ADGRE2: variants seen among roughly 807,000 people sequenced by gnomAD.
ADGRE2 encodes adhesion G protein-coupled receptor E2.
In ADGRE2, 83 loss-of-function variants were observed where a neutral mutation model predicts 100.8. That is an observed-to-expected ratio of 0.82 (90% CI 0.69 to 0.99). The LOEUF is 0.99. ADGRE2 is among the 50% of genes least tolerant of loss of function. The pLI is 0.00. For synonymous variants in ADGRE2, 355 were observed against 413.0 expected (o/e 0.86, Z 1.70); for missense variants, 814 against 1,035.7 (o/e 0.79, Z 2.94).
intron 4 of ADGRE2, among the ~76,000 whole-genome samples, chr19:14,773,080 C>CAAAAAAAA (rs35688921): frequency 2.8e-4 from 13 of 45,788 alleles, no homozygotes; most frequent in East Asian, 6.3e-4. Flanking sequence ...GACTCCATCT[C>CAAAAAAAA]AAAAAAAAAA....
At chr19:14,727,697 C>CTA (rs1478094027), downstream of ADGRE2, among the ~76,000 whole-genome samples, 1 of 151,620 alleles carries the variant, frequency 6.6e-6, no homozygotes, top group Non-Finnish European at 1.5e-5. Flanking sequence ...TATCATGTAC[C>CTA]TATTAGTTAA....
chr19:14,729,109 C>T (rs562394310), downstream of ADGRE2, among the ~76,000 whole-genome samples: 3 of 152,058 alleles, frequency 2.0e-5, no homozygotes, highest in South Asian at 2.1e-4. Context: ...TTAGTGCCGA[C>T]GGGAAGGCTG....
Position 14,766,238 on chromosome 19 carries a change from C to G in ADGRE2, c.631G>C (p.Glu211Gln). The G allele has an allele frequency of 6.2e-7, 1 of 1,614,114 alleles. No individual in the cohort carries two copies. The highest frequency in any genetic ancestry group is 1.1e-5 in the South Asian group (1 of 91,086). Reference protein sequence around the residue: ...SPNGPNNTVCEDVDECSSGQH... With the variant: ...SPNGPNNTVCQDVDECSSGQH... Reference sequence around the variant, plus strand: ...ACGTGGGATCTGAGCTCTCGACCTTCACAGACGGTATTGTTTGGGCCATTG... The same window carrying G: ...ACGTGGGATCTGAGCTCTCGACCTTGACAGACGGTATTGTTTGGGCCATTG... Residue 211 changes from glutamate to glutamine, a missense_variant, in exon 7 of 21, where the codon GAA becomes CAA. Glu to Gln is a conservative substitution (Grantham distance 29). Transcript: ENST00000315576.
intron 14 of ADGRE2, among the ~76,000 whole-genome samples, chr19:14,753,349 T>A (rs1599824514): frequency 6.6e-6 from 1 of 151,834 alleles, no homozygotes; most frequent in Admixed American, 6.6e-5. Context: ...TAATTACAGG[T>A]CTGGGCGGGA....
At chr19:14,773,207 G>A (rs1044141099) in intron 4 of ADGRE2, among the ~76,000 whole-genome samples, 13 of 148,812 alleles carry the variant, frequency 8.7e-5, no homozygotes, top group Non-Finnish European at 1.5e-4. Flanking sequence ...CCAGATTCCT[G>A]AGCACGCAGC....
chr19:14,749,330 TAATTATA>T (rs1206143166), intron 16 of ADGRE2, among the ~76,000 whole-genome samples: 7 of 111,102 alleles, frequency 6.3e-5, no homozygotes, highest in African/African-American at 1.7e-4. Flanking sequence ...ATATATAATA[TAATTATA>T]ATGATATGAT....
rs1026852763 is a variant in ADGRE2 at position 14,773,970 on chromosome 19, T to C, written c.167A>G (p.Glu56Gly). The C allele has an allele frequency of 2.5e-6, 4 of 1,614,032 alleles. No homozygotes were observed. In the African/African-American group the frequency reaches 4.0e-5, roughly 16 times the overall value. The change falls in exon 4 of 21, where the codon GAG becomes GGG. Residue 56 changes from glutamate (E) to glycine (G), a missense_variant. Coordinates refer to ENST00000315576, the MANE Select transcript of ADGRE2 (RefSeq NM_013447.4). ...RCNPGFSSFSEIITTPMETCD... is the reference protein window; with the variant it reads ...RCNPGFSSFSGIITTPMETCD... ...AGTCTCCATGGGGGTGGTGATGATC[T>C]CAGAAAAAGAGCTGAACCCTGGATT...
downstream of ADGRE2, among the ~76,000 whole-genome samples, chr19:14,730,983 T>C (rs550241185): frequency 5.3e-5 from 8 of 151,956 alleles, no homozygotes; most frequent in Non-Finnish European, 1.2e-4. Context: ...CACACCACCA[T>C]CAGTCTTTCA....
At chr19:14,777,367 C>A (rs1319541622) in intron 1 of ADGRE2, among the ~76,000 whole-genome samples, 1 of 152,234 alleles carries the variant, frequency 6.6e-6, no homozygotes, top group African/African-American at 2.4e-5. Flanking sequence ...CAGAGGCTCA[C>A]GCCTGTGATC....
At chr19:14,751,931 ATTTTTTT>A (rs199828270) in intron 15 of ADGRE2, among the ~76,000 whole-genome samples, 2,693 of 133,258 alleles carry the variant, frequency 0.02, 27 homozygotes, top group Non-Finnish European at 0.026. Flanking sequence ...ATATATATAT[ATTTTTTT>A]TTTTTTTTTT....
At position 14,754,988 on chromosome 19, in the gene ADGRE2, C is replaced by G. The variant is rs563911043; in HGVS notation, c.1556G>C (p.Ser519Thr). The change falls in exon 14 of 21, where the codon AGC becomes ACC. Residue 519 changes from serine to threonine, a missense_variant. Coordinates refer to ENST00000315576, the MANE Select transcript of ADGRE2 (RefSeq NM_013447.4). ...GTAGTGGGCCATGAGGACGGCAAAG[C>G]TGCTCAGGTGGGTGCAACGGCAGAT... The part of the protein sequence containing the change: ...STICRCTHLS[S>T]FAVLMAHYDV... The G allele has an allele frequency of 6.2e-7, 1 of 1,614,106 alleles. No individual in the cohort carries two copies. The highest frequency in any genetic ancestry group is 1.7e-5 in the Admixed American group (1 of 60,012).
chr19:14,751,863 C>CTA (rs71166792), intron 15 of ADGRE2, among the ~76,000 whole-genome samples, 192 bp from the exon 16 acceptor site: 33,168 of 146,146 alleles, frequency 0.23, 3,888 homozygotes, highest in Non-Finnish European at 0.26. Flanking sequence ...ACTCAAGGGC[C>CTA]TATATATATA....
At chr19:14,757,215 GA>G (rs1026187299) in intron 11 of ADGRE2, among the ~76,000 whole-genome samples, 1 of 152,128 alleles carries the variant, frequency 6.6e-6, no homozygotes, top group African/African-American at 2.4e-5. Flanking sequence ...GTGTTTGAAA[GA>G]AATAAAAGGC....
At chr19:14,764,367 G>A in intron 11 of ADGRE2, 66 bp downstream of exon 11, 1 of 1,506,884 alleles carries the variant, frequency 6.6e-7, no homozygotes, top group African/African-American at 1.4e-5. Flanking sequence ...GGCTCTGGTG[G>A]GACTGGGAAA....
intron 11 of ADGRE2, among the ~76,000 whole-genome samples, chr19:14,758,082 A>C (rs983195149): frequency 6.6e-6 from 1 of 152,260 alleles, no homozygotes; most frequent in African/African-American, 2.4e-5. Flanking sequence ...AAGTGCTGGG[A>C]TTACAGGCGT....
At chr19:14,769,370 G>A (rs890210563) in intron 5 of ADGRE2, among the ~76,000 whole-genome samples, 2 of 152,200 alleles carry the variant, frequency 1.3e-5, no homozygotes, top group African/African-American at 4.8e-5. Context: ...TGTTTGGGAC[G>A]GCCCTGTGAT....
intron 2 of ADGRE2, 54 bp from the exon 3 acceptor site, chr19:14,774,360 G>A (rs1361518435): frequency 2.4e-6 from 3 of 1,261,756 alleles, no homozygotes; most frequent in East Asian, 2.5e-5. Flanking sequence ...GGGAAAGGAG[G>A]CGTAAGGGTG....
intron 11 of ADGRE2, among the ~76,000 whole-genome samples, chr19:14,763,063 C>A (rs59692610): frequency 4.6e-5 from 7 of 152,094 alleles, no homozygotes; most frequent in Admixed American, 2.6e-4. Context: ...GCAGGCCGGG[C>A]GTGGTGGCTC....
intron 5 of ADGRE2, among the ~76,000 whole-genome samples, chr19:14,767,537 C>G (rs1393941344): frequency 6.6e-6 from 1 of 152,172 alleles, no homozygotes; most frequent in Non-Finnish European, 1.5e-5. Context: ...CCATGCCTGG[C>G]CATCTCCTCC....
Sources: gnomAD v4.1 joint callset for allele counts (sites outside exome capture counted in the v4.1 genomes callset) on GRCh38, gnomAD v4.1.1 for gene constraint, MANE v1.5 for transcripts, NCBI Gene and HGNC (gene_info 2026-07-23, HGNC 2026-07-21) for gene names.